Variants in PCDHA4 observed in about 807,000 individuals in gnomAD.
The protein encoded by PCDHA4 is protocadherin alpha 4.
Under a neutral mutation model 61.4 loss-of-function variants are expected in PCDHA4, and 49 were observed. That is an observed-to-expected ratio of 0.80 (90% CI 0.63 to 1.01). PCDHA4 has a LOEUF of 1.01. PCDHA4 is among the 50% of genes least tolerant of loss of function. The pLI, the probability that PCDHA4 is intolerant of heterozygous loss-of-function variation, is 0.00. For missense variants in PCDHA4, 1,254 were observed against 1,235.8 expected, an observed-to-expected ratio of 1.01 and a Z score of -0.22; for synonymous variants, 590 against 550.3, an observed-to-expected ratio of 1.07 and a Z score of -1.01.
intron 3 of PCDHA4, among the ~76,000 whole-genome samples, chr5:140,989,404 A>G (rs2097341135): frequency 6.6e-6 from 1 of 152,134 alleles, no homozygotes; most frequent in Non-Finnish European, 1.5e-5. Flanking sequence ...GAGGGTGGAG[A>G]GTCTGCACTT....
At chr5:140,966,838 G>A in intron 1 of PCDHA4, 1 of 1,566,774 alleles carries the variant, frequency 6.4e-7, no homozygotes, top group South Asian at 1.2e-5. Context: ...CCTGGCTGCT[G>A]CTACTGCCTC....
At chr5:140,820,061 G>C (rs1163910320) in intron 1 of PCDHA4, among the ~76,000 whole-genome samples, 1 of 151,854 alleles carries the variant, frequency 6.6e-6, no homozygotes, top group African/African-American at 2.4e-5. Flanking sequence ...ATAGAAAGTG[G>C]CTAACATCAG....
rs782194525 is a variant in PCDHA4 at position 140,927,807 on chromosome 5, C to T, written c.2386-51142C>T. The T allele has an allele frequency of 8.7e-6, 14 of 1,614,088 alleles. No homozygotes were observed. In the African/African-American group the frequency reaches 1.3e-4, roughly 15 times the overall value. Reference sequence around the variant, plus strand: ...CTTCACTAGGTCCGCCTGAAACGCTCTTGGAGGCATACATTGAGGCGAGGG... The same window carrying T: ...CTTCACTAGGTCCGCCTGAAACGCTTTTGGAGGCATACATTGAGGCGAGGG... On this transcript the variant is annotated intron_variant, in intron 1 of 3. Coordinates refer to ENST00000530339, the MANE Select transcript of PCDHA4 (RefSeq NM_018907.4).
chr5:140,830,126 T>C, intron 1 of PCDHA4: 1 of 1,613,316 alleles, frequency 6.2e-7, no homozygotes, highest in Non-Finnish European at 8.5e-7. Flanking sequence ...TCCAAAGGCG[T>C]CATCACGGGC....
At chr5:140,967,409 C>T (rs1451311967) in intron 1 of PCDHA4, 9 of 1,613,130 alleles carry the variant, frequency 5.6e-6, no homozygotes, top group Non-Finnish European at 7.6e-6. Flanking sequence ...GCGTAAGGGC[C>T]TAGACCGGGA....
intron 1 of PCDHA4, chr5:140,870,001 G>C (rs782788057): frequency 1.2e-6 from 2 of 1,613,448 alleles, no homozygotes; most frequent in African/African-American, 1.3e-5. Context: ...AAATAATGGA[G>C]AAGTGAGGGT....
In PCDHA4 at chr5:140,829,080, T is replaced by A. The variant is rs375670586; in HGVS notation, c.2385+19508T>A. Reference sequence around the variant, plus strand: ...GCCACGGACAAAGGCCATCCTCCCATGGCGGGTCATTGCACCGTTTTAGTG... The same window carrying A: ...GCCACGGACAAAGGCCATCCTCCCAAGGCGGGTCATTGCACCGTTTTAGTG... On this transcript the variant is annotated intron_variant, in intron 1 of 3. Coordinates refer to ENST00000530339, the MANE Select transcript of PCDHA4 (RefSeq NM_018907.4). The A allele has an allele frequency of 6.2e-7, 1 of 1,611,960 alleles. No individual in the cohort carries two copies.
At chr5:140,887,039 T>G (rs1396033565) in intron 1 of PCDHA4, among the ~76,000 whole-genome samples, 2 of 152,156 alleles carry the variant, frequency 1.3e-5, no homozygotes, top group African/African-American at 4.8e-5. Flanking sequence ...TTAATATTTT[T>G]TATAGTGCAT....
At chr5:140,967,958 CG>C in intron 1 of PCDHA4, 1 of 1,614,182 alleles carries the variant, frequency 6.2e-7, no homozygotes, top group Non-Finnish European at 8.5e-7. Flanking sequence ...AGGCCCCAAC[CG>C]GAAAGTGAGC....
intron 1 of PCDHA4, among the ~76,000 whole-genome samples, chr5:140,881,674 T>C (rs782706305): frequency 5.3e-5 from 8 of 152,254 alleles, no homozygotes; most frequent in Non-Finnish European, 1.0e-4. Context: ...TCTTATGTGA[T>C]TGTTATGTTT....
chr5:140,867,131 T>A (rs769857763), intron 1 of PCDHA4: 12 of 152,188 alleles, frequency 7.9e-5, no homozygotes, highest in African/African-American at 2.9e-4. Context: ...TTCAAATATG[T>A]GATATTATCA....
In PCDHA4 at chr5:141,000,416, TATATA is replaced by T. The variant is rs1214257718; in HGVS notation, c.2534-9210_2534-9206del. On this transcript the variant is annotated intron_variant, in intron 3 of 3. Coordinates refer to ENST00000530339, the MANE Select transcript of PCDHA4 (RefSeq NM_018907.4). ...CTCTCTATATATATATATATATATA[TATATA>T]TTTTTTTTTTTTTTTTTTTTTTTGA... 2.1e-3 allele frequency among the ~76,000 whole-genome samples: 195 copies of T among 93,382 alleles called. 1 individual carries two copies. Among genetic ancestry groups the T allele is most frequent in the African/African-American group, 4.2e-3 (94 of 22,362 alleles). 61.3% of individuals were successfully genotyped at this position (93,382 alleles called of 152,430 possible). A position where few individuals can be genotyped will look rare whatever the true frequency, so the allele number is the denominator to read the frequency against.
intron 1 of PCDHA4, chr5:140,883,465 C>T: frequency 6.2e-7 from 1 of 1,614,156 alleles, no homozygotes; most frequent in South Asian, 1.1e-5. Context: ...AGCTGGTGTC[C>T]ACCTACAAGA....
intron 1 of PCDHA4, chr5:140,822,280 T>G: frequency 1.9e-6 from 3 of 1,614,246 alleles, no homozygotes; most frequent in Non-Finnish European, 2.5e-6. Context: ...ACAATTGAGA[T>G]ACAGGTTAAA....
rs2150435239 is a variant in PCDHA4, at chr5:140,849,330, T to C, written c.2385+39758T>C. On this transcript the variant is annotated intron_variant, in intron 1 of 3. Transcript: ENST00000530339. Reference sequence around the variant, plus strand: ...CGAAGGCTTGAATGGGGATATTATTTACTCCTTCTCCAGTGATGTTTCTCC... The same window carrying C: ...CGAAGGCTTGAATGGGGATATTATTCACTCCTTCTCCAGTGATGTTTCTCC... 7 of 1,375,184 alleles carry C rather than the reference T, an allele frequency of 5.1e-6. No individual in the cohort carries two copies. In the South Asian group the frequency reaches 8.9e-5, roughly 17 times the overall value. 85.2% of individuals were successfully genotyped at this position (1,375,184 alleles called of 1,614,324 possible).
intron 1 of PCDHA4, chr5:140,856,447 CG>C (rs782392908): frequency 2.5e-6 from 4 of 1,598,330 alleles, no homozygotes. Flanking sequence ...CCAGGTTCTC[CG>C]TAACAGAACA....
intron 1 of PCDHA4, chr5:140,877,932 A>G: frequency 7.1e-7 from 1 of 1,407,638 alleles, no homozygotes; most frequent in Non-Finnish European, 9.3e-7. Flanking sequence ...TTATGATTCT[A>G]TCCTTTAAAC....
chr5:140,966,280 G>C (rs782249047), intron 1 of PCDHA4: 3 of 365,660 alleles, frequency 8.2e-6, no homozygotes, highest in African/African-American at 4.2e-5. Flanking sequence ...CTGGACAGTG[G>C]GGGTAGGGAG....
At chr5:140,897,340 C>G (rs1326802877) in intron 1 of PCDHA4, among the ~76,000 whole-genome samples, 1 of 122,842 alleles carries the variant, frequency 8.1e-6, no homozygotes, top group African/African-American at 3.1e-5. Flanking sequence ...CCCCTCCCCC[C>G]ACCCCACAAC....
Sources: gnomAD v4.1 joint callset for allele counts (sites outside exome capture counted in the v4.1 genomes callset) on GRCh38, gnomAD v4.1.1 for gene constraint, MANE v1.5 for transcripts, NCBI Gene and HGNC (gene_info 2026-07-23, HGNC 2026-07-21) for gene names.